The following WDFY3 variants were observed in gnomAD, a reference collection of about 807,000 sequenced individuals.
WDFY3 encodes the protein WD repeat and FYVE domain-containing protein 3.
A neutral mutation model predicts 409.6 loss-of-function variants in WDFY3; 66 were observed. The ratio of observed to expected loss-of-function variants is 0.16; its 90% CI spans 0.13 to 0.20. The LOEUF is 0.20. WDFY3 is among the 10% of genes least tolerant of loss of function. The pLI is 1.00. For missense variants in WDFY3, 3,031 were observed against 4,298.1 expected (o/e 0.71, Z 8.24); for synonymous variants, 1,521 against 1,537.1 (o/e 0.99, Z 0.25).
At chr4:84,860,982 C>T (rs1198736919) in intron 3 of WDFY3, among the ~76,000 whole-genome samples, 4 of 151,996 alleles carry the variant, frequency 2.6e-5, no homozygotes, top group Non-Finnish European at 4.4e-5. Flanking sequence ...AGGCCGAGGC[C>T]GGTGAATGGC....
At chr4:84,932,240 T>C (rs1770855096) in intron 2 of WDFY3, 30 bp downstream of exon 2, 1 of 152,126 alleles carries the variant, frequency 6.6e-6, no homozygotes, top group African/African-American at 2.4e-5. Context: ...CTGGCTCCTT[T>C]TTCAACAAAA....
intron 1 of WDFY3, among the ~76,000 whole-genome samples, chr4:84,946,019 T>C (rs1434284218): frequency 6.6e-6 from 1 of 152,138 alleles, no homozygotes; most frequent in Non-Finnish European, 1.5e-5. Context: ...AGGAAGATCA[T>C]GAGAAAAGAA....
intron 1 of WDFY3, among the ~76,000 whole-genome samples, chr4:84,947,710 C>CAAA (rs1176852063): frequency 1.2e-4 from 9 of 77,450 alleles, no homozygotes; most frequent in South Asian, 4.5e-4. Context: ...CCACATCTAC[C>CAAA]AAAAAAAAAA....
chr4:84,767,769 G>A (rs1743933291), intron 30 of WDFY3, among the ~76,000 whole-genome samples: 1 of 152,166 alleles, frequency 6.6e-6, no homozygotes, highest in Non-Finnish European at 1.5e-5. Flanking sequence ...TATGAAGGCT[G>A]AGAGAGCTGA....
At chr4:84,955,420 T>C (rs1774121078) in intron 1 of WDFY3, among the ~76,000 whole-genome samples, 1 of 152,178 alleles carries the variant, frequency 6.6e-6, no homozygotes, top group African/African-American at 2.4e-5. Flanking sequence ...GGAAGAAACA[T>C]ACCCTGGGCC....
chr4:84,738,640 A>G (rs1737878271), intron 40 of WDFY3, among the ~76,000 whole-genome samples: 1 of 152,096 alleles, frequency 6.6e-6, no homozygotes, highest in Non-Finnish European at 1.5e-5. Flanking sequence ...AAAGAAGAAT[A>G]AAAAATAGCA....
At chr4:84,954,400 A>C (rs1773985820) in intron 1 of WDFY3, among the ~76,000 whole-genome samples, 2 of 152,172 alleles carry the variant, frequency 1.3e-5, no homozygotes, top group South Asian at 4.1e-4. Context: ...TAAATCACCT[A>C]ATACTGTGTT....
intron 5 of WDFY3, 34 bp from the exon 6 acceptor site, chr4:84,841,297 G>A: frequency 6.4e-7 from 1 of 1,573,522 alleles, no homozygotes; most frequent in Middle Eastern, 1.7e-4. Flanking sequence ...TTAAGTGGGG[G>A]AAAAGTCACA....
intron 65 of WDFY3, 123 bp downstream of exon 65, chr4:84,678,796 G>C: frequency 1.9e-6 from 2 of 1,058,528 alleles, no homozygotes; most frequent in Non-Finnish European, 2.7e-6. Flanking sequence ...TTCTGTGTGA[G>C]TGGCCCAGCT....
chr4:84,783,982 G>A (rs1161912072), intron 24 of WDFY3, among the ~76,000 whole-genome samples: 2 of 151,916 alleles, frequency 1.3e-5, no homozygotes, highest in Admixed American at 1.3e-4. Flanking sequence ...CTGATAATCA[G>A]CCAAAATGGC....
intron 4 of WDFY3, among the ~76,000 whole-genome samples, chr4:84,859,566 A>T (rs1450352324): frequency 3.9e-5 from 6 of 152,140 alleles, no homozygotes; most frequent in African/African-American, 7.2e-5. Context: ...TGATAAACAT[A>T]AAAAAGTTAT....
In WDFY3 at chr4:84,954,143, T is replaced by A. The variant is rs1773957660; in HGVS notation, c.-226+12066A>T. On this transcript the variant is annotated intron_variant, in intron 1 of 67. Coordinates refer to ENST00000295888, the MANE Select transcript of WDFY3 (RefSeq NM_014991.6). ...GAAAAAAAGCTTACAGAATTATTAT[T>A]ATATAGCATAACATCACTTGAGAGT... 2.6e-5 allele frequency among the ~76,000 whole-genome samples: 4 copies of A among 152,150 alleles called. No homozygotes were observed. The South Asian group carries it at 8.3e-4, about 31-fold the overall frequency.
At chr4:84,933,453 T>A (rs1021870467) in intron 1 of WDFY3, among the ~76,000 whole-genome samples, 35 of 152,090 alleles carry the variant, frequency 2.3e-4, no homozygotes, top group Non-Finnish European at 4.6e-4. Context: ...ACATGAGATG[T>A]TTTAATACAG....
At chr4:84,861,741 C>A (rs866513088) in intron 3 of WDFY3, among the ~76,000 whole-genome samples, 20 of 152,134 alleles carry the variant, frequency 1.3e-4, no homozygotes, top group African/African-American at 3.9e-4. Flanking sequence ...GCTGGAGCTG[C>A]AGTTAAAAAA....
chr4:84,813,244 T>C (rs1443436607), intron 13 of WDFY3, among the ~76,000 whole-genome samples: 1 of 152,134 alleles, frequency 6.6e-6, no homozygotes. Flanking sequence ...ATTTTCCCTA[T>C]TGGCTCTCAG....
intron 1 of WDFY3, among the ~76,000 whole-genome samples, chr4:84,951,466 T>C (rs1387309586): frequency 6.6e-6 from 1 of 152,204 alleles, no homozygotes; most frequent in African/African-American, 2.4e-5. Flanking sequence ...CAATTTGTAT[T>C]GATCCTTTAA....
chr4:84,820,924 T>A (rs1753962640), intron 11 of WDFY3, among the ~76,000 whole-genome samples, 160 bp downstream of exon 11: 1 of 152,118 alleles, frequency 6.6e-6, no homozygotes, highest in Non-Finnish European at 1.5e-5. Flanking sequence ...AGAGGTTGAA[T>A]GAACCTGTAA....
chr4:84,918,135 G>A (rs1045937081), intron 2 of WDFY3, among the ~76,000 whole-genome samples: 2 of 152,098 alleles, frequency 1.3e-5, no homozygotes, highest in African/African-American at 2.4e-5. Context: ...CCCTATGGAA[G>A]GGAATTTGGT....
At chr4:84,722,144 T>C (rs143340473) in intron 46 of WDFY3, among the ~76,000 whole-genome samples, 11,590 of 152,194 alleles carry the variant, frequency 0.076, 639 homozygotes, top group African/African-American at 0.14. Flanking sequence ...TCCCAGCACT[T>C]TGGGAGGCCA....
Sources: allele counts gnomAD v4.1 joint callset (sites outside exome capture counted in the v4.1 genomes callset), GRCh38; gene constraint gnomAD v4.1.1; transcripts MANE v1.5; gene names NCBI Gene and HGNC (gene_info 2026-07-23, HGNC 2026-07-21).